The following RALYL variants were observed in gnomAD, a reference collection of about 807,000 sequenced individuals.
RALYL encodes the protein RALY RNA binding protein like.
A neutral mutation model predicts 35.1 loss-of-function variants in RALYL; 29 were observed. That is an observed-to-expected ratio of 0.83 (90% confidence interval 0.61 to 1.13). The LOEUF (loss-of-function observed/expected upper bound fraction) is 1.13. Ranked by LOEUF, RALYL falls within the 50% of genes most tolerant of loss-of-function variation. RALYL has a pLI of 0.00. For missense variants in RALYL, 359 were observed against 360.4 expected (o/e 1.00, Z 0.03); for synonymous variants, 120 against 127.6 (o/e 0.94, Z 0.40).
At chr8:84,452,209 C>G (rs908232421) in intron 1 of RALYL, among the ~76,000 whole-genome samples, 2 of 150,628 alleles carry the variant, frequency 1.3e-5, no homozygotes, top group African/African-American at 4.9e-5. Context: ...CTCAGGGTGA[C>G]AGCTTGGTTT....
intron 2 of RALYL, among the ~76,000 whole-genome samples, chr8:84,554,952 T>G (rs1178057245): frequency 2.0e-5 from 3 of 152,140 alleles, no homozygotes; most frequent in Admixed American, 2.0e-4. Context: ...CATAACTCTT[T>G]TTTTACCTTT....
intron 1 of RALYL, among the ~76,000 whole-genome samples, chr8:84,433,321 TGTA>T (rs1300581166): frequency 6.6e-6 from 1 of 152,148 alleles, no homozygotes. Context: ...TATATTGCCT[TGTA>T]GTATTTATTT....
intron 1 of RALYL, among the ~76,000 whole-genome samples, chr8:84,284,744 T>C (rs1372091461): frequency 6.6e-6 from 1 of 152,206 alleles, no homozygotes; most frequent in Non-Finnish European, 1.5e-5. Context: ...TTAAAATTCA[T>C]TTGGCAGTGA....
rs543091755 is a variant in RALYL at position 84,224,041 on chromosome 8, G to A, written c.-24+39617G>A. Among the ~76,000 whole-genome samples the A allele has an allele frequency of 2.0e-5, 3 of 152,214 alleles. No homozygotes were observed. In the South Asian group the frequency reaches 6.2e-4, roughly 32 times the overall value. On this transcript the variant is annotated intron_variant, in intron 1 of 8. Transcript: ENST00000521268. The stretch of plus-strand genomic sequence containing the variant: ...TTACCCTAACTTAGTTAGAAATTCT[G>A]ATTCTCATCTTTTCCAATCCTTCTG...
At chr8:84,378,009 G>T (rs925383815) in intron 1 of RALYL, among the ~76,000 whole-genome samples, 1 of 151,888 alleles carries the variant, frequency 6.6e-6, no homozygotes, top group Non-Finnish European at 1.5e-5. Context: ...TAGCGCTCTT[G>T]AAGTCATGTT....
At chr8:84,887,240 T>C (rs2135418774) in intron 7 of RALYL, among the ~76,000 whole-genome samples, 1 of 152,254 alleles carries the variant, frequency 6.6e-6, no homozygotes, top group East Asian at 1.9e-4. Flanking sequence ...TTGCCATTTG[T>C]TTTTGCTCTA....
At chr8:84,851,825 T>C (rs1380496765) in intron 5 of RALYL, among the ~76,000 whole-genome samples, 1 of 152,228 alleles carries the variant, frequency 6.6e-6, no homozygotes, top group African/African-American at 2.4e-5. Context: ...ATTAGGTTCC[T>C]CTGTTCCTCT....
intron 2 of RALYL, among the ~76,000 whole-genome samples, chr8:84,661,838 A>G (rs1830988594): frequency 6.6e-6 from 1 of 151,664 alleles, no homozygotes; most frequent in African/African-American, 2.4e-5. Flanking sequence ...TTTTCTTCCC[A>G]GATAAAGTGG....
chr8:84,543,494 AT>A, intron 2 of RALYL, among the ~76,000 whole-genome samples: 1 of 127,076 alleles, frequency 7.9e-6, no homozygotes, highest in East Asian at 2.2e-4. Flanking sequence ...ATCTATGGAA[AT>A]AAAAAAAATA....
At chr8:84,424,064 TTC>T (rs1451937744) in intron 1 of RALYL, among the ~76,000 whole-genome samples, 2 of 152,142 alleles carry the variant, frequency 1.3e-5, no homozygotes, top group East Asian at 3.9e-4. Flanking sequence ...CTTTGTGGCG[TTC>T]TCTCTATTTC....
chr8:84,583,052 C>T (rs1041008157), intron 2 of RALYL, among the ~76,000 whole-genome samples: 4 of 152,118 alleles, frequency 2.6e-5, no homozygotes, highest in South Asian at 2.1e-4. Context: ...TAACAGAGAT[C>T]GATGATAGTG....
intron 1 of RALYL, among the ~76,000 whole-genome samples, chr8:84,515,794 G>A (rs2058015525): frequency 6.6e-6 from 1 of 151,964 alleles, no homozygotes; most frequent in South Asian, 2.1e-4. Context: ...CAGCCCAAGA[G>A]GTATGACAGA....
intron 1 of RALYL, among the ~76,000 whole-genome samples, chr8:84,317,362 A>G (rs1416324195): frequency 1.3e-5 from 2 of 152,178 alleles, no homozygotes; most frequent in East Asian, 1.9e-4. Flanking sequence ...GCAACTGCAT[A>G]CAGATTTTTA....
chr8:84,899,990 A>G (rs1419955001), intron 8 of RALYL, among the ~76,000 whole-genome samples: 1 of 152,252 alleles, frequency 6.6e-6, no homozygotes, highest in Admixed American at 6.5e-5. Flanking sequence ...CAGTGCAGCT[A>G]TCAAACAACG....
At chr8:84,451,317 G>C (rs571201032) in intron 1 of RALYL, among the ~76,000 whole-genome samples, 4 of 151,976 alleles carry the variant, frequency 2.6e-5, no homozygotes, top group African/African-American at 9.6e-5. Flanking sequence ...AGTGCAGTTA[G>C]TGATATAAAA....
intron 1 of RALYL, among the ~76,000 whole-genome samples, chr8:84,479,135 G>T (rs193130666): frequency 8.0e-6 from 1 of 125,510 alleles, no homozygotes; most frequent in Non-Finnish European, 1.7e-5. Context: ...CTATACACAG[G>T]GTTCTGTATA....
intron 5 of RALYL, among the ~76,000 whole-genome samples, chr8:84,858,087 AACT>A (rs1837406702): frequency 6.6e-6 from 1 of 152,086 alleles, no homozygotes; most frequent in Admixed American, 6.5e-5. Context: ...TTATCAAATA[AACT>A]ACTATTAAAA....
At chr8:84,446,419 G>T (rs1213139875) in intron 1 of RALYL, among the ~76,000 whole-genome samples, 1 of 151,952 alleles carries the variant, frequency 6.6e-6, no homozygotes, top group Non-Finnish European at 1.5e-5. Context: ...TTATATTCAT[G>T]GATCTAGCTC....
chr8:84,363,842 G>A (rs1208689951), intron 1 of RALYL, among the ~76,000 whole-genome samples: 1 of 152,148 alleles, frequency 6.6e-6, no homozygotes, highest in Non-Finnish European at 1.5e-5. Context: ...CGCTGCTGCT[G>A]AAGAATCATA....
Sources: allele counts gnomAD v4.1 joint callset (sites outside exome capture counted in the v4.1 genomes callset), GRCh38; gene constraint gnomAD v4.1.1; transcripts MANE v1.5; gene names NCBI Gene and HGNC (gene_info 2026-07-23, HGNC 2026-07-21).